Variants in UGGT2 observed in about 807,000 individuals in gnomAD.
The protein encoded by UGGT2 is UDP-glucose:glycoprotein glucosyltransferase 2.
In UGGT2, 180 loss-of-function variants were observed where a neutral mutation model predicts 192.1. The ratio of observed to expected loss-of-function variants is 0.94; its 90% CI spans 0.83 to 1.06. The LOEUF is 1.06. UGGT2 is among the 50% of genes least tolerant of loss of function. The pLI, the probability that UGGT2 is intolerant of heterozygous loss-of-function variation, is 0.00. For missense variants in UGGT2, 1,849 were observed against 1,795.7 expected, an observed-to-expected ratio of 1.03 and a Z score of -0.54; for synonymous variants, 580 against 591.0, an observed-to-expected ratio of 0.98 and a Z score of 0.27.
intron 10 of UGGT2, among the ~76,000 whole-genome samples, chr13:95,980,241 A>G (rs2140848519): frequency 6.6e-6 from 1 of 152,336 alleles, no homozygotes; most frequent in East Asian, 1.9e-4. Context: ...GAATCAGCCC[A>G]AATACCCTAT....
intron 5 of UGGT2, among the ~76,000 whole-genome samples, chr13:96,010,043 G>T (rs1423167868): frequency 6.6e-6 from 1 of 152,096 alleles, no homozygotes; most frequent in Non-Finnish European, 1.5e-5. Context: ...TACACTGCCG[G>T]TGGTACTGTA....
intron 4 of UGGT2, among the ~76,000 whole-genome samples, chr13:96,018,680 C>A (rs1317819536): frequency 6.7e-6 from 1 of 149,280 alleles, no homozygotes; most frequent in African/African-American, 2.5e-5. Context: ...GAAATTGGGA[C>A]AATGAGAATA....
intron 10 of UGGT2, among the ~76,000 whole-genome samples, chr13:95,976,177 C>G (rs2050932223): frequency 6.6e-6 from 1 of 152,120 alleles, no homozygotes; most frequent in Non-Finnish European, 1.5e-5. Context: ...TGAGTAATAA[C>G]TTGTAGTATG....
At chr13:95,846,870 T>C (rs1402558148) in intron 36 of UGGT2, among the ~76,000 whole-genome samples, 1 of 152,210 alleles carries the variant, frequency 6.6e-6, no homozygotes, top group Non-Finnish European at 1.5e-5. Flanking sequence ...CCCTTGATTA[T>C]TCTTTCAGTA....
chr13:95,912,851 C>A (rs2140353824), intron 20 of UGGT2, among the ~76,000 whole-genome samples: 2 of 152,282 alleles, frequency 1.3e-5, no homozygotes, highest in South Asian at 4.1e-4. Context: ...TACAAGGCTA[C>A]AGTAACCAAA....
chr13:95,904,843 T>C (rs376012680), intron 20 of UGGT2, among the ~76,000 whole-genome samples: 3 of 151,282 alleles, frequency 2.0e-5, no homozygotes, highest in Admixed American at 6.6e-5. Flanking sequence ...ATGGTATTTC[T>C]AGTTCTAGAT....
At chr13:95,872,804 T>A (rs1891332628) in intron 29 of UGGT2, among the ~76,000 whole-genome samples, 1 of 152,176 alleles carries the variant, frequency 6.6e-6, no homozygotes, top group Non-Finnish European at 1.5e-5. Flanking sequence ...GTAAAGAAGA[T>A]AAAATAGAAT....
At chr13:95,813,705 C>T (rs980492459) in intron 38 of UGGT2, among the ~76,000 whole-genome samples, 1 of 152,156 alleles carries the variant, frequency 6.6e-6, no homozygotes, top group Non-Finnish European at 1.5e-5. Context: ...AGCTAACATC[C>T]AAGACAATGA....
rs956183542 is a variant in UGGT2, at chr13:95,924,839, G to A, written c.2295+841C>T. 7.9e-5 allele frequency among the ~76,000 whole-genome samples: 12 copies of A among 152,176 alleles called. No individual in the cohort carries two copies. In the East Asian group the frequency reaches 2.3e-3, roughly 29 times the overall value. On this transcript the variant is annotated intron_variant, in intron 20 of 38. Transcript: ENST00000376747. ...AGGACTCCTGCAGTGGCATGTAAGT[G>A]AGTCATCTTAGAAGCTTGTCCTCCT...
In UGGT2 at chr13:95,927,240, G is replaced by T. The variant is rs1248470883; in HGVS notation, c.2074C>A (p.Gln692Lys). The T allele has an allele frequency of 6.2e-7, 1 of 1,611,694 alleles. No individual in the cohort carries two copies. The highest frequency in any genetic ancestry group is 1.3e-5 in the African/African-American group (1 of 74,842). Reference protein sequence around the residue: ...INTLILRTNQQYLNLISTSVT... With the variant: ...INTLILRTNQKYLNLISTSVT... ...GATGTAGATATTAAATTGAGGTACT[G>T]CTGGTTAGTACGCAAAATCAAAGTA... The change falls in exon 18 of 39, where the codon CAG becomes AAG. Residue 692 changes from glutamine (Q) to lysine (K), a missense_variant. Physicochemically the swap from Gln to Lys is moderately conservative, Grantham distance 53. Coordinates refer to ENST00000376747, the MANE Select transcript of UGGT2 (RefSeq NM_020121.4).
intron 9 of UGGT2, among the ~76,000 whole-genome samples, chr13:95,985,960 T>A (rs987358990): frequency 6.6e-6 from 1 of 152,156 alleles, no homozygotes; most frequent in African/African-American, 2.4e-5. Flanking sequence ...ACTTTGGGCA[T>A]AGACCTCCTA....
At chr13:95,889,010 G>A (rs1594241711) in intron 25 of UGGT2, among the ~76,000 whole-genome samples, 1 of 151,842 alleles carries the variant, frequency 6.6e-6, no homozygotes, top group South Asian at 2.1e-4. Context: ...TTTAGAGACA[G>A]GGTCTTGCTA....
At chr13:95,997,517 C>A (rs766333332) in intron 6 of UGGT2, among the ~76,000 whole-genome samples, 1 of 152,044 alleles carries the variant, frequency 6.6e-6, no homozygotes, top group Non-Finnish European at 1.5e-5. Flanking sequence ...GTGGCAGGCG[C>A]GTGTAATCCC....
chr13:95,831,891 T>C (rs899717243), intron 38 of UGGT2, among the ~76,000 whole-genome samples: 11 of 151,934 alleles, frequency 7.2e-5, no homozygotes, highest in Non-Finnish European at 1.3e-4. Context: ...ATCCTACTTC[T>C]CTCCCTTTAA....
intron 30 of UGGT2, among the ~76,000 whole-genome samples, chr13:95,864,737 T>C (rs1420420516): frequency 2.0e-5 from 3 of 152,228 alleles, no homozygotes; most frequent in Non-Finnish European, 2.9e-5. Flanking sequence ...AGTTCAACAA[T>C]TAACTGTTTC....
chr13:95,804,233 T>C (rs906768682), intron 38 of UGGT2, among the ~76,000 whole-genome samples: 1 of 152,022 alleles, frequency 6.6e-6, no homozygotes, highest in East Asian at 1.9e-4. Context: ...ATCAAAATAA[T>C]TAGGAATAAA....
At chr13:96,050,791 C>T (rs2053461691) in intron 1 of UGGT2, among the ~76,000 whole-genome samples, 1 of 152,210 alleles carries the variant, frequency 6.6e-6, no homozygotes. Flanking sequence ...GATACCATCT[C>T]ACACCAGTTA....
chr13:95,808,917 G>A (rs1337984027), intron 38 of UGGT2, among the ~76,000 whole-genome samples: 2 of 152,068 alleles, frequency 1.3e-5, no homozygotes, highest in Non-Finnish European at 2.9e-5. Flanking sequence ...AAACAACAAG[G>A]GAACAGAAGT....
At chr13:95,949,314 T>C (rs767617994) in intron 13 of UGGT2, 21 bp downstream of exon 13, 2 of 1,493,646 alleles carry the variant, frequency 1.3e-6, no homozygotes, top group Admixed American at 2.2e-5. Flanking sequence ...TATATATGTA[T>C]AATCAAAATA....
Sources: gnomAD v4.1 joint callset for allele counts (sites outside exome capture counted in the v4.1 genomes callset) on GRCh38, gnomAD v4.1.1 for gene constraint, MANE v1.5 for transcripts, NCBI Gene and HGNC (gene_info 2026-07-23, HGNC 2026-07-21) for gene names.